CYBB: variants seen among roughly 807,000 people sequenced by gnomAD.
The protein encoded by CYBB is cytochrome b-245 beta chain, also known as NADPH oxidase 2.
A neutral mutation model predicts 46.5 loss-of-function variants in CYBB; 5 were observed. The ratio of observed to expected loss-of-function variants is 0.11; its 90% CI spans 0.06 to 0.23. The LOEUF (loss-of-function observed/expected upper bound fraction) is 0.23, where lower values mean the gene tolerates loss of function less well. Ranked by LOEUF, CYBB falls within the 10% of genes least tolerant of loss-of-function variation. The probability of loss-of-function intolerance (pLI) is 1.00; values close to 1 mark genes in which losing one functional copy is unlikely to be tolerated. For missense variants in CYBB, 307 were observed against 428.3 expected (o/e 0.72, Z 2.50); for synonymous variants, 183 against 156.7 (o/e 1.17, Z -1.26).
intron 3 of CYBB, among the ~76,000 whole-genome samples, chrX:37,791,659 T>G (rs782654921): frequency 8.9e-6 from 1 of 112,180 alleles, no homozygotes; most frequent in South Asian, 3.6e-4. Flanking sequence ...AGAAACTATG[T>G]AGCTAGATAT....
intron 3 of CYBB, among the ~76,000 whole-genome samples, chrX:37,789,449 T>G (rs1929143204): frequency 1.1e-5 from 1 of 93,665 alleles, no homozygotes; most frequent in Non-Finnish European, 2.1e-5. Context: ...TAAGTTGAAA[T>G]TTAAGAAGCC....
chrX:37,785,374 C>A (rs1456414008), intron 3 of CYBB, among the ~76,000 whole-genome samples: 2 of 112,432 alleles, frequency 1.8e-5, no homozygotes, highest in Non-Finnish European at 3.8e-5. Context: ...AAACTAACAA[C>A]AGTACTTGGT....
intron 5 of CYBB, among the ~76,000 whole-genome samples, chrX:37,795,278 G>A (rs782567561): frequency 9.0e-6 from 1 of 111,500 alleles, no homozygotes; most frequent in East Asian, 2.8e-4. Context: ...GCCAATAACT[G>A]GTGGATGCAG....
Position 37,795,990 on chromosome X carries a change from G to T in CYBB, c.523G>T (p.Ala175Ser). The change falls in exon 6 of 13, where the codon GCA becomes TCA. Residue 175 changes from alanine to serine, a missense_variant. Physicochemically the swap from Ala to Ser is moderately conservative, Grantham distance 99 (BLOSUM62 1). Around this residue, in one of 3 missense-constraint regions of CYBB, gnomAD observed 103 missense variants for 150.2 expected, o/e 0.69. Transcript: ENST00000378588. ...CCTGTACCTGGCTGTGACCCTGTTG[G>T]CAGGCATCACTGGAGTTGTCATCAC... ...GGLYLAVTLLAGITGVVITLC... is the reference protein window; with the variant it reads ...GGLYLAVTLLSGITGVVITLC... 1 of 1,207,254 alleles carries T rather than the reference G, an allele frequency of 8.3e-7. No homozygotes were observed. Among genetic ancestry groups the T allele is most frequent in the Non-Finnish European group, 1.1e-6 (1 of 893,146 alleles).
At chrX:37,800,595 T>C (rs973299556) in intron 7 of CYBB, among the ~76,000 whole-genome samples, 1 of 111,424 alleles carries the variant, frequency 9.0e-6, no homozygotes, top group Non-Finnish European at 1.9e-5. Context: ...ATTGGCTGAG[T>C]TTCAGGATGG....
In CYBB at chrX:37,796,128, A is replaced by G. The variant is rs1556468404; in HGVS notation, c.661A>G (p.Ile221Val). The change falls in exon 6 of 13, where the codon ATC (isoleucine) becomes GTC (valine). Residue 221 changes from isoleucine (I) to valine (V), a missense_variant. Physicochemically the swap from Ile to Val is conservative, Grantham distance 29 (BLOSUM62 3). This residue lies in a region of CYBB where 82 missense variants were observed against 69.9 expected (regional missense o/e 1.17). Transcript: ENST00000378588. The stretch of plus-strand genomic sequence containing the variant: ...TGTGATCTTCTTCATTGGCCTTGCC[A>G]TCCATGGAGCTGAGTGAGTGTTTAA... ...LFVIFFIGLA[I>V]HGAERIVRGQ... is the part of the protein sequence containing the mutation. 3 of 1,207,216 alleles carry G rather than the reference A, an allele frequency of 2.5e-6. No individual in the cohort carries two copies. Among genetic ancestry groups the G allele is most frequent in the South Asian group, 1.8e-5 (1 of 56,895 alleles).
At chrX:37,789,678 A>T (rs2146807930) in intron 3 of CYBB, among the ~76,000 whole-genome samples, 1 of 112,010 alleles carries the variant, frequency 8.9e-6, no homozygotes, top group East Asian at 2.8e-4. Flanking sequence ...GCTATATAAG[A>T]AAACAAAGAT....
intron 1 of CYBB, 27 bp from the exon 2 acceptor site, chrX:37,782,061 T>A (rs782277143): frequency 2.6e-6 from 3 of 1,150,722 alleles, no homozygotes; most frequent in South Asian, 1.8e-5. Flanking sequence ...ATGCGGAAAC[T>A]TCATGCAATT....
At chrX:37,790,289 C>T (rs781896494) in intron 3 of CYBB, among the ~76,000 whole-genome samples, 11 of 111,338 alleles carry the variant, frequency 9.9e-5, no homozygotes, top group South Asian at 3.7e-4. Context: ...GACCACCTTC[C>T]GGATAGAATA....
intron 5 of CYBB, 132 bp downstream of exon 5, chrX:37,793,942 G>C: frequency 1.8e-6 from 1 of 568,949 alleles, no homozygotes; most frequent in South Asian, 2.7e-5. Context: ...CAAGTCTGTA[G>C]GTTACAATAA....
At chrX:37,791,911 T>C in intron 3 of CYBB, 64 bp from the exon 4 acceptor site, 1 of 832,918 alleles carries the variant, frequency 1.2e-6, no homozygotes, top group Non-Finnish European at 1.8e-6. Flanking sequence ...GTATCAAATG[T>C]TTGACACATA....
At chrX:37,810,725 A>C in intron 12 of CYBB, 66 bp from the exon 13 acceptor site, 8 of 1,141,069 alleles carry the variant, frequency 7.0e-6, no homozygotes, top group South Asian at 1.8e-5. Context: ...CGGGAAATTC[A>C]CCTACCTGCT....
chrX:37,795,891 T>TGA, intron 5 of CYBB, 60 bp from the exon 6 acceptor site: 1 of 92,016 alleles, frequency 1.1e-5, no homozygotes, highest in Non-Finnish European at 1.6e-5. Context: ...CTTGCGCACA[T>TGA]GTGTGTGTGT....
At position 37,782,226 on chromosome X, in the gene CYBB, T is replaced by C. The variant is rs200739412; in HGVS notation, c.141+43T>C. 14 of 872,132 alleles carry C rather than the reference T, an allele frequency of 1.6e-5. No homozygotes were observed. In the Admixed American group the frequency reaches 3.1e-4, roughly 19 times the overall value. The allele number at this position is 872,132 out of a possible 1,213,427, so 71.9% of individuals were successfully genotyped here. On this transcript the variant is annotated intron_variant, in intron 2 of 12. Coordinates refer to ENST00000378588, the MANE Select transcript of CYBB (RefSeq NM_000397.4). Reference sequence around the variant, plus strand: ...CCCATGCAATATTGGCTGGTTCACATTTCTCATCAGACATTCTTGTTCATC... The same window carrying C: ...CCCATGCAATATTGGCTGGTTCACACTTCTCATCAGACATTCTTGTTCATC...
At chrX:37,780,704 T>G (rs951645527) in intron 1 of CYBB, among the ~76,000 whole-genome samples, 6 of 108,457 alleles carry the variant, frequency 5.5e-5, no homozygotes, top group Non-Finnish European at 1.1e-4. Flanking sequence ...CATAAATATG[T>G]AGTATGTATA....
chrX:37,799,165 A>AACATCTG, intron 7 of CYBB, 81 bp downstream of exon 7: 1 of 892,531 alleles, frequency 1.1e-6, no homozygotes, highest in Non-Finnish European at 1.6e-6. Flanking sequence ...TACAGATGTT[A>AACATCTG]TACATCTATA....
intron 6 of CYBB, among the ~76,000 whole-genome samples, chrX:37,796,587 C>T (rs1250847342): frequency 1.8e-5 from 2 of 111,578 alleles, no homozygotes; most frequent in Non-Finnish European, 3.8e-5. Flanking sequence ...TTGTTGTCTA[C>T]CATGTATGAG....
Position 37,804,011 on chromosome X carries a change from C to T in CYBB, c.1032C>T (p.Ser344=), listed in dbSNP as rs782193225. ...KLEWHPFTLT[S]APEEDFFSIH... ...AGTGGCACCCTTTTACACTGACATC[C>T]GCCCCTGAGGAAGACTTCTTTAGTA... The change falls in exon 9 of 13, where the codon TCC becomes TCT. Residue 344 remains serine, a synonymous_variant. Transcript: ENST00000378588. 5.0e-6 allele frequency: 6 copies of T among 1,209,298 alleles called. No homozygotes were observed. The highest frequency in any genetic ancestry group is 1.8e-5 in the South Asian group (1 of 56,798).
chrX:37,800,860 GT>G (rs1929422694), intron 7 of CYBB, among the ~76,000 whole-genome samples: 1 of 112,405 alleles, frequency 8.9e-6, no homozygotes, highest in South Asian at 3.6e-4. Context: ...AGCAATCACA[GT>G]GTTGCATTAA....
Sources: allele counts gnomAD v4.1 joint callset (sites outside exome capture counted in the v4.1 genomes callset), GRCh38; gene constraint gnomAD v4.1.1; regional missense constraint gnomAD v4.1.1; transcripts MANE v1.5; gene names NCBI Gene and HGNC (gene_info 2026-07-23, HGNC 2026-07-21).